The following DCUN1D3 variants were observed in gnomAD, a reference collection of about 807,000 sequenced individuals.
DCUN1D3 encodes defective in cullin neddylation 1 domain containing 3.
Under a neutral mutation model 24.8 loss-of-function variants are expected in DCUN1D3, and 6 were observed. The observed-to-expected ratio is 0.24, with a 90% CI of 0.13 to 0.48. The LOEUF (loss-of-function observed/expected upper bound fraction) is 0.48, where lower values mean the gene tolerates loss of function less well. DCUN1D3 is among the 20% of genes least tolerant of loss of function. The pLI, the probability that DCUN1D3 is intolerant of heterozygous loss-of-function variation, is 0.99. For missense variants in DCUN1D3, 258 were observed against 379.4 expected (o/e 0.68, Z 2.66); for synonymous variants, 120 against 144.9 (o/e 0.83, Z 1.24).
intron 1 of DCUN1D3, among the ~76,000 whole-genome samples, chr16:20,870,118 G>GA (rs1355957343): frequency 6.6e-6 from 1 of 152,172 alleles, no homozygotes; most frequent in Non-Finnish European, 1.5e-5. Context: ...GAGTTTCTGT[G>GA]ACACTGACAT....
At chr16:20,874,883 T>C (rs1157161808) in intron 1 of DCUN1D3, among the ~76,000 whole-genome samples, 1 of 152,014 alleles carries the variant, frequency 6.6e-6, no homozygotes, top group Non-Finnish European at 1.5e-5. Flanking sequence ...CCAGAGTACA[T>C]TAACATGTGC....
At chr16:20,897,833 C>G (rs140643236) in intron 1 of DCUN1D3, among the ~76,000 whole-genome samples, 6 of 152,318 alleles carry the variant, frequency 3.9e-5, no homozygotes, top group Non-Finnish European at 8.8e-5. Flanking sequence ...CTCTTCCTCT[C>G]CCACTCAGCA....
rs1158810227 is a variant in DCUN1D3 at position 20,855,718 on chromosome 16, C to G, written c.*4168G>C. 6.6e-6 allele frequency: 1 copy of G among 152,214 alleles called. No individual in the cohort carries two copies. The highest frequency in any genetic ancestry group is 1.5e-5 in the Non-Finnish European group (1 of 68,062). The allele number at this position is 152,214 out of a possible 1,614,324, so 9.4% of individuals were successfully genotyped here. A position where few individuals can be genotyped will look rare whatever the true frequency, so the allele number is the denominator to read the frequency against. ...GTTTAAACTGGATATGCAATTACAG[C>G]TTACCAGGGGAATAAACTCTGAGGG... On this transcript the variant is annotated 3_prime_UTR_variant, in exon 3 of 3. Transcript: ENST00000324344.
chr16:20,881,131 C>T (rs2081841594), intron 1 of DCUN1D3, among the ~76,000 whole-genome samples: 1 of 152,098 alleles, frequency 6.6e-6, no homozygotes, highest in African/African-American at 2.4e-5. Context: ...TATATCCTTA[C>T]CCAATGCACA....
At chr16:20,876,429 T>C (rs13338613) in intron 1 of DCUN1D3, among the ~76,000 whole-genome samples, 26,748 of 115,014 alleles carry the variant, frequency 0.23, 2,615 homozygotes, top group African/African-American at 0.31. Flanking sequence ...GTTAAAATGG[T>C]TATGAAAAAA....
At chr16:20,897,722 CAAAAT>C (rs1268319798) in intron 1 of DCUN1D3, among the ~76,000 whole-genome samples, 1 of 152,094 alleles carries the variant, frequency 6.6e-6, no homozygotes, top group Admixed American at 6.5e-5. Context: ...GTATATAAGA[CAAAAT>C]AAAGAAAGAG....
chr16:20,870,336 G>A (rs895541646), intron 1 of DCUN1D3, among the ~76,000 whole-genome samples: 2 of 152,198 alleles, frequency 1.3e-5, no homozygotes, highest in Admixed American at 1.3e-4. Context: ...CAGAGGGAAA[G>A]CAGGGCTACT....
At chr16:20,881,906 G>A (rs1020066320) in intron 1 of DCUN1D3, among the ~76,000 whole-genome samples, 1 of 151,958 alleles carries the variant, frequency 6.6e-6, no homozygotes, top group Non-Finnish European at 1.5e-5. Flanking sequence ...AGGTTCAAGC[G>A]ATTCTCCTAC....
At chr16:20,869,170 A>T (rs1567423749) in intron 1 of DCUN1D3, among the ~76,000 whole-genome samples, 1 of 152,244 alleles carries the variant, frequency 6.6e-6, no homozygotes, top group African/African-American at 2.4e-5. Context: ...CCAAAGAGGG[A>T]TCAGGAAGTT....
At chr16:20,875,886 AG>A (rs1308356075) in intron 1 of DCUN1D3, among the ~76,000 whole-genome samples, 1 of 152,216 alleles carries the variant, frequency 6.6e-6, no homozygotes, top group Non-Finnish European at 1.5e-5. Flanking sequence ...CCATCTGACG[AG>A]GGATTAACAG....
intron 1 of DCUN1D3, among the ~76,000 whole-genome samples, chr16:20,894,978 G>C (rs1000510268): frequency 6.6e-6 from 1 of 151,570 alleles, no homozygotes; most frequent in Non-Finnish European, 1.5e-5. Flanking sequence ...TGGCAGATTC[G>C]ACCAACCATG....
At chr16:20,891,681 A>G (rs1227575048) in intron 1 of DCUN1D3, among the ~76,000 whole-genome samples, 2 of 152,270 alleles carry the variant, frequency 1.3e-5, no homozygotes, top group African/African-American at 4.8e-5. Context: ...TGGACCAGGG[A>G]TAACTCCTGA....
At chr16:20,878,296 T>C (rs2081826207) in intron 1 of DCUN1D3, among the ~76,000 whole-genome samples, 1 of 152,160 alleles carries the variant, frequency 6.6e-6, no homozygotes, top group Non-Finnish European at 1.5e-5. Flanking sequence ...CACAAGCTAA[T>C]TTTCACCTCA....
chr16:20,877,663 AC>A (rs2081822835), intron 1 of DCUN1D3, among the ~76,000 whole-genome samples: 1 of 152,256 alleles, frequency 6.6e-6, no homozygotes, highest in Admixed American at 6.5e-5. Flanking sequence ...ACTTTCTCAC[AC>A]ACAATTAATA....
intron 1 of DCUN1D3, among the ~76,000 whole-genome samples, chr16:20,878,940 A>G (rs986272597): frequency 1.3e-5 from 2 of 152,198 alleles, no homozygotes; most frequent in Non-Finnish European, 2.9e-5. Context: ...GAGAAAGCAA[A>G]GGGCAGATTC....
At chr16:20,878,155 C>G (rs540594940) in intron 1 of DCUN1D3, among the ~76,000 whole-genome samples, 100 of 152,230 alleles carry the variant, frequency 6.6e-4, no homozygotes, top group African/African-American at 2.4e-3. Flanking sequence ...GCACCCACTA[C>G]CTTCAGAGAG....
At chr16:20,875,940 T>C in intron 1 of DCUN1D3, among the ~76,000 whole-genome samples, 1 of 152,230 alleles carries the variant, frequency 6.6e-6, no homozygotes, top group African/African-American at 2.4e-5. Flanking sequence ...AGCAAAATAA[T>C]AATAATAATA....
Position 20,860,481 on chromosome 16 carries a change from C to T in DCUN1D3, c.432-112G>A. ...AGGCCAGATGGTCTGAATTTGAATTCTAACTCCTCCAACTAATTAGTCCTA... is the reference window on the plus strand; with the variant it reads ...AGGCCAGATGGTCTGAATTTGAATTTTAACTCCTCCAACTAATTAGTCCTA... On this transcript the variant is annotated intron_variant, in intron 2 of 2. Coordinates refer to ENST00000324344, the MANE Select transcript of DCUN1D3 (RefSeq NM_173475.4). This position sits in a 1 kb window ranked among gnomAD's most constrained non-coding sequence, Gnocchi z 4.3. The T allele has an allele frequency of 8.9e-7, 1 of 1,120,658 alleles. No individual in the cohort carries two copies. 69.4% of individuals were successfully genotyped at this position (1,120,658 alleles called of 1,614,324 possible). A position where few individuals can be genotyped will look rare whatever the true frequency, so the allele number is the denominator to read the frequency against.
At chr16:20,897,750 T>C (rs1299876941) in intron 1 of DCUN1D3, among the ~76,000 whole-genome samples, 2 of 152,196 alleles carry the variant, frequency 1.3e-5, no homozygotes, top group African/African-American at 2.4e-5. Context: ...GTGTCCTCAA[T>C]TGAACATCCT....
Sources: gnomAD v4.1 joint callset for allele counts (sites outside exome capture counted in the v4.1 genomes callset) on GRCh38, gnomAD v4.1.1 for gene constraint, Gnocchi (gnomAD v3.1) non-coding constraint, MANE v1.5 for transcripts, NCBI Gene and HGNC (gene_info 2026-07-23, HGNC 2026-07-21) for gene names.